ZBTB25: variants seen among roughly 807,000 people sequenced by gnomAD.
The protein encoded by ZBTB25 is zinc finger and BTB domain-containing protein 25.
ZBTB25 carries 20 observed loss-of-function variants against 34.2 expected under a neutral mutation model. The observed-to-expected ratio is 0.58, with a 90% CI of 0.41 to 0.85. The LOEUF is 0.85. ZBTB25 is among the 40% of genes least tolerant of loss of function. ZBTB25 has a pLI of 0.00. For synonymous variants in ZBTB25, 175 were observed against 186.4 expected (o/e 0.94, Z 0.50); for missense variants, 437 against 521.8 (o/e 0.84, Z 1.58).
chr14:64,488,731 C>T (rs928049469), intron 2 of ZBTB25, among the ~76,000 whole-genome samples: 12 of 151,876 alleles, frequency 7.9e-5, no homozygotes, highest in Non-Finnish European at 1.0e-4. Context: ...AGTAAATTAG[C>T]GGTTTCTGGG....
intron 1 of ZBTB25, among the ~76,000 whole-genome samples, chr14:64,491,340 C>T (rs768218274): frequency 7.2e-5 from 11 of 152,160 alleles, no homozygotes; most frequent in Non-Finnish European, 1.6e-4. Context: ...GTGGCATGCA[C>T]CTGTACTCCC....
At chr14:64,503,410 A>C in intron 1 of ZBTB25, 1 of 985,374 alleles carries the variant, frequency 1.0e-6, no homozygotes, top group Non-Finnish European at 1.2e-6. Context: ...TGCCACCCTG[A>C]ATCAGGCCCC....
Position 64,483,059 on chromosome 14 carries a change from CAG to C in ZBTB25, c.*3862_*3863del, listed in dbSNP as rs1252714782. On this transcript the variant is annotated 3_prime_UTR_variant, in exon 3 of 3. Coordinates refer to ENST00000608382, the MANE Select transcript of ZBTB25 (RefSeq NM_006977.5). ...TACTAAAACAGTCTCTATTTTTCTCCAGAAAACAACTGCGTGAGATTTCAAAA... is the reference window on the plus strand; with the variant it reads ...TACTAAAACAGTCTCTATTTTTCTCCAAAACAACTGCGTGAGATTTCAAAA... 1 of 152,146 alleles carries C rather than the reference CAG, an allele frequency of 6.6e-6. No homozygotes were observed. The highest frequency in any genetic ancestry group is 1.5e-5 in the Non-Finnish European group (1 of 68,018). 9.4% of individuals were successfully genotyped at this position (152,146 alleles called of 1,614,324 possible).
chr14:64,486,437 CAT>C lies in ZBTB25; in HGVS notation c.*484_*485del, dbSNP rs1273725128. 1 of 964,116 alleles carries C rather than the reference CAT, an allele frequency of 1.0e-6. No individual in the cohort carries two copies. The highest frequency in any genetic ancestry group is 1.2e-6 in the Non-Finnish European group (1 of 810,514). The allele number at this position is 964,116 out of a possible 1,614,324, so 59.7% of individuals were successfully genotyped here. On this transcript the variant is annotated 3_prime_UTR_variant, in exon 3 of 3. Coordinates refer to ENST00000608382, the MANE Select transcript of ZBTB25 (RefSeq NM_006977.5). Reference sequence around the variant, plus strand: ...TAAAATAAATTTTTATACATTATAACATATGTATAACATACAGTTATGCATTA... The same window carrying C: ...TAAAATAAATTTTTATACATTATAACATGTATAACATACAGTTATGCATTA...
At chr14:64,496,212 C>T (rs1290443117) in intron 1 of ZBTB25, among the ~76,000 whole-genome samples, 5 of 151,984 alleles carry the variant, frequency 3.3e-5, no homozygotes, top group African/African-American at 7.3e-5. Flanking sequence ...AGACCAGTCA[C>T]GGTGGCTCAC....
downstream of ZBTB25, among the ~76,000 whole-genome samples, chr14:64,475,432 C>CT (rs1408435672): frequency 1.3e-5 from 2 of 150,688 alleles, no homozygotes; most frequent in Admixed American, 1.3e-4. Context: ...AAGCGAGACT[C>CT]TGTCTCAAAA....
rs2079327325 is a variant in ZBTB25, at chr14:64,497,743, TTATG to T, written c.-8+5914_-8+5917del. On this transcript the variant is annotated intron_variant, in intron 1 of 2. Transcript: ENST00000608382. ...GATATTCAATACATATCTTTGATTC[TTATG>T]TATTTAGAAAAATCTACTGTACTAG... 2.6e-5 allele frequency among the ~76,000 whole-genome samples: 4 copies of T among 152,338 alleles called. 1 individual carries two copies. In the South Asian group the frequency reaches 8.3e-4, roughly 32 times the overall value.
rs371382350 is a variant in ZBTB25, at chr14:64,487,430, G to A, written c.801C>T (p.Phe267=). The change falls in exon 3 of 3, where the codon TTC becomes TTT. Residue 267 remains phenylalanine (F), a synonymous_variant. Transcript: ENST00000608382. The part of the protein sequence containing the change: ...LHTHVSGSLP[F]GVPASILESN... Reference sequence around the variant, plus strand: ...TTTCCAGAATGGAAGCAGGGACACCGAATGGCAGGGATCCAGACACATGTG... The same window carrying A: ...TTTCCAGAATGGAAGCAGGGACACCAAATGGCAGGGATCCAGACACATGTG... 6.8e-6 allele frequency: 11 copies of A among 1,614,096 alleles called. No individual in the cohort carries two copies. Among genetic ancestry groups the A allele is most frequent in the Non-Finnish European group, 9.3e-6 (11 of 1,180,046 alleles).
downstream of ZBTB25, among the ~76,000 whole-genome samples, chr14:64,476,881 G>A (rs1427332989): frequency 3.1e-4 from 47 of 152,110 alleles, no homozygotes; most frequent in Non-Finnish European, 4.4e-5. Flanking sequence ...TTTCCTGAAG[G>A]ATTAACAGTG....
chr14:64,462,954 ATGG>A (rs768298277), intron 2 of ZBTB25: 4 of 152,168 alleles, frequency 2.6e-5, no homozygotes, highest in Admixed American at 1.3e-4. Context: ...GATGGGATAA[ATGG>A]TAAGATCAGT....
chr14:64,489,626 C>T (rs1289993050), intron 2 of ZBTB25, among the ~76,000 whole-genome samples: 1 of 151,532 alleles, frequency 6.6e-6, no homozygotes, highest in Non-Finnish European at 1.5e-5. Flanking sequence ...ACCTTCACCT[C>T]ATAGGTACAC....
At chr14:64,454,921 G>A (rs752126033) in intron 2 of ZBTB25, 20 of 1,595,590 alleles carry the variant, frequency 1.3e-5, no homozygotes, top group Admixed American at 1.7e-5. Context: ...TGCACTTCTC[G>A]TCTGAAGTGT....
At chr14:64,449,598 C>G (rs1200501550) in exon 3 of ZBTB25, 1 of 1,614,164 alleles carries the variant, frequency 6.2e-7, no homozygotes, top group Admixed American at 1.7e-5. Flanking sequence ...CACCCAGCAG[C>G]TTCCAGCTCC....
intron 2 of ZBTB25, chr14:64,472,751 A>G (rs1424069738): frequency 1.2e-5 from 2 of 166,800 alleles, no homozygotes; most frequent in Non-Finnish European, 2.9e-5. Flanking sequence ...AAATATGCAG[A>G]AATCAGATGG....
intron 2 of ZBTB25, among the ~76,000 whole-genome samples, chr14:64,488,319 G>C (rs2141024636): frequency 6.6e-6 from 1 of 152,070 alleles, no homozygotes; most frequent in South Asian, 2.1e-4. Flanking sequence ...CATTAATCAA[G>C]TGACTCCTAA....
intron 2 of ZBTB25, chr14:64,461,564 TTTTTTTTCC>T: frequency 7.7e-6 from 1 of 130,082 alleles, no homozygotes; most frequent in South Asian, 2.3e-4. Context: ...TTCTGGTACT[TTTTTTTTCC>T]TTTTTTTTTT....
chr14:64,469,649 G>A, intron 2 of ZBTB25: 2 of 1,594,924 alleles, frequency 1.3e-6, no homozygotes, highest in Admixed American at 1.8e-5. Flanking sequence ...GGCCTCTGAT[G>A]ATAATAAAAT....
intron 2 of ZBTB25, chr14:64,468,734 G>A: frequency 1.2e-6 from 2 of 1,614,198 alleles, no homozygotes; most frequent in Non-Finnish European, 1.7e-6. Context: ...TGCTGAGGAT[G>A]CTGATCTTTC....
In ZBTB25 at chr14:64,485,564, A is replaced by C; in HGVS notation, c.*1359T>G. The C allele has an allele frequency of 1.0e-6, 1 of 985,358 alleles. No homozygotes were observed. The highest frequency in any genetic ancestry group is 6.1e-5 in the Admixed American group (1 of 16,276). 61.0% of individuals were successfully genotyped at this position (985,358 alleles called of 1,614,324 possible). Reference sequence around the variant, plus strand: ...GCTTTGTAAGTGTCACCATTATAAAAGAGAGTTAAGTTGATTTATAGAGGA... The same window carrying C: ...GCTTTGTAAGTGTCACCATTATAAACGAGAGTTAAGTTGATTTATAGAGGA... On this transcript the variant is annotated 3_prime_UTR_variant, in exon 3 of 3. Transcript: ENST00000608382.
Sources: allele counts gnomAD v4.1 joint callset (sites outside exome capture counted in the v4.1 genomes callset), GRCh38; gene constraint gnomAD v4.1.1; transcripts MANE v1.5; gene names NCBI Gene and HGNC (gene_info 2026-07-23, HGNC 2026-07-21).